MYRFL: variants seen among roughly 807,000 people sequenced by gnomAD.
MYRFL encodes myelin regulatory factor-like protein.
A neutral mutation model predicts 109.4 loss-of-function variants in MYRFL; 88 were observed. The observed-to-expected ratio is 0.80, with a 90% CI of 0.68 to 0.96. The LOEUF (loss-of-function observed/expected upper bound fraction) is 0.96, where lower values mean the gene tolerates loss of function less well. Among genes scored for constraint, MYRFL ranks in the 40% least tolerant of loss-of-function variants. MYRFL has a pLI of 0.00. For synonymous variants in MYRFL, 324 were observed against 320.9 expected, an observed-to-expected ratio of 1.01 and a Z score of -0.10; for missense variants, 957 against 954.9, an observed-to-expected ratio of 1.00 and a Z score of -0.03.
At position 69,955,375 on chromosome 12, in the gene MYRFL, T is replaced by C. The variant is rs773538238; in HGVS notation, c.2388T>C (p.Tyr796=). 4.6e-6 allele frequency: 3 copies of C among 647,394 alleles called. No homozygotes were observed. Among genetic ancestry groups the C allele is most frequent in the South Asian group, 3.6e-5 (2 of 55,608 alleles). The allele number at this position is 647,394 out of a possible 1,614,324, so 40.1% of individuals were successfully genotyped here. ...TTTCCATAATTAGATCTGGAAATTA[T>C]AATTACAATATTCCTGTTAATAAAC... ...IQSLQCGSGN[Y]NYNIPVNKHT... The change falls in exon 22 of 25, where the codon TAT becomes TAC. Residue 796 remains tyrosine (Y), a synonymous_variant. Transcript: ENST00000552032.
chr12:69,836,421 C>T (rs1197591224), intron 1 of MYRFL, among the ~76,000 whole-genome samples: 1 of 152,184 alleles, frequency 6.6e-6, no homozygotes, highest in Non-Finnish European at 1.5e-5. Context: ...ACACCCTCCT[C>T]TACCCAGCAC....
rs1331068006 is a variant in MYRFL at position 69,891,831 on chromosome 12, G to A, written c.903+665G>A. Reference sequence around the variant, plus strand: ...GCCTCCCAAATAGCTGGGACCACAGGTGTGTGCCACCATGCTGGCTGTGTT... The same window carrying A: ...GCCTCCCAAATAGCTGGGACCACAGATGTGTGCCACCATGCTGGCTGTGTT... On this transcript the variant is annotated intron_variant, in intron 7 of 24. Coordinates refer to ENST00000552032, the MANE Select transcript of MYRFL (RefSeq NM_182530.3). Among the ~76,000 whole-genome samples, 6 of 151,676 alleles carry A rather than the reference G, an allele frequency of 4.0e-5. No individual in the cohort carries two copies. The East Asian group carries it at 5.8e-4, about 15-fold the overall frequency.
intron 8 of MYRFL, among the ~76,000 whole-genome samples, chr12:69,894,552 T>A (rs1887106310): frequency 6.6e-6 from 1 of 152,230 alleles, no homozygotes; most frequent in Non-Finnish European, 1.5e-5. Context: ...GAATTAGTTT[T>A]GAGATTGTAT....
At chr12:69,833,817 G>A (rs979036928) in intron 1 of MYRFL, among the ~76,000 whole-genome samples, 2 of 134,348 alleles carry the variant, frequency 1.5e-5, no homozygotes, top group Admixed American at 8.1e-5. Context: ...TGAAGCAGAA[G>A]ATAGGGCTTG....
In MYRFL at chr12:69,902,924, A is replaced by T. The variant is rs578208245; in HGVS notation, c.1183-720A>T. ...GAAACAGGCAAATCATTATTTAATA[A>T]TCAGAGGACTTGTAGTTCCAGCTCC... On this transcript the variant is annotated intron_variant, in intron 10 of 24. Transcript: ENST00000552032. 9.2e-5 allele frequency among the ~76,000 whole-genome samples: 14 copies of T among 152,374 alleles called. No individual in the cohort carries two copies. In the South Asian group the frequency reaches 2.9e-3, roughly 32 times the overall value.
At chr12:69,846,535 T>C (rs1412214592) in intron 1 of MYRFL, among the ~76,000 whole-genome samples, 1 of 152,144 alleles carries the variant, frequency 6.6e-6, no homozygotes, top group African/African-American at 2.4e-5. Flanking sequence ...CTCATCATTT[T>C]TTTATGGCTG....
chr12:69,936,522 T>C lies in MYRFL; in HGVS notation c.2114T>C (p.Leu705Pro). ...QVPEITFCEI[L>P]PCQETYCCPI... Reference sequence around the variant, plus strand: ...CCTGAAATTACTTTCTGTGAAATCCTGCCGTGTCAGGAGACTTATTGCTGC... The same window carrying C: ...CCTGAAATTACTTTCTGTGAAATCCCGCCGTGTCAGGAGACTTATTGCTGC... The change falls in exon 19 of 25, where the codon CTG (leucine) becomes CCG (proline). Residue 705 changes from leucine to proline, a missense_variant. Transcript: ENST00000552032. 1 of 1,536,192 alleles carries C rather than the reference T, an allele frequency of 6.5e-7. No individual in the cohort carries two copies. Among genetic ancestry groups the C allele is most frequent in the Non-Finnish European group, 8.7e-7 (1 of 1,146,922 alleles).
At chr12:69,932,291 G>A (rs918567801) in intron 15 of MYRFL, among the ~76,000 whole-genome samples, 1 of 152,196 alleles carries the variant, frequency 6.6e-6, no homozygotes, top group East Asian at 1.9e-4. Flanking sequence ...AAGGGAGATT[G>A]CTGTAGCTTG....
chr12:69,862,173 C>G (rs1230274097), intron 2 of MYRFL, among the ~76,000 whole-genome samples: 4 of 150,260 alleles, frequency 2.7e-5, no homozygotes, highest in South Asian at 4.3e-4. Context: ...AGTTTGAAGT[C>G]AGGTAGCATG....
chr12:69,957,207 T>C (rs1362289440), intron 22 of MYRFL, among the ~76,000 whole-genome samples: 1 of 152,190 alleles, frequency 6.6e-6, no homozygotes, highest in Non-Finnish European at 1.5e-5. Context: ...TAAAATCTAG[T>C]GATTTCTGGT....
intron 15 of MYRFL, among the ~76,000 whole-genome samples, chr12:69,931,921 T>C (rs1955285592): frequency 6.6e-6 from 1 of 152,220 alleles, no homozygotes; most frequent in Non-Finnish European, 1.5e-5. Context: ...TTGTACATAA[T>C]ACTGCTCAAT....
intron 14 of MYRFL, 80 bp downstream of exon 14, chr12:69,926,814 G>A: frequency 8.3e-7 from 1 of 1,211,598 alleles, no homozygotes; most frequent in Non-Finnish European, 1.0e-6. Flanking sequence ...AATCTAAATG[G>A]TCTTTTTGAT....
chr12:69,853,301 G>C (rs542185877), intron 1 of MYRFL, among the ~76,000 whole-genome samples: 1 of 151,168 alleles, frequency 6.6e-6, no homozygotes, highest in East Asian at 2.0e-4. Flanking sequence ...GGGCAGAGAC[G>C]CTCCTCACTT....
At chr12:69,930,323 G>A (rs139676460) in intron 15 of MYRFL, among the ~76,000 whole-genome samples, 2,290 of 152,224 alleles carry the variant, frequency 0.015, 27 homozygotes, top group Middle Eastern at 0.024. Context: ...GGCCAAGATG[G>A]TGTTCATTCT....
intron 10 of MYRFL, among the ~76,000 whole-genome samples, chr12:69,902,208 T>G (rs1460628592): frequency 6.6e-6 from 1 of 152,166 alleles, no homozygotes; most frequent in Non-Finnish European, 1.5e-5. Context: ...TTTCACTGCT[T>G]CTGTTTATCA....
At chr12:69,951,430 T>C (rs1425242562) in intron 19 of MYRFL, among the ~76,000 whole-genome samples, 1 of 148,378 alleles carries the variant, frequency 6.7e-6, no homozygotes, top group African/African-American at 2.5e-5. Context: ...CTGCTTTTTT[T>C]TTTTTTTTTT....
At chr12:69,854,082 C>T (rs1592705450) in intron 1 of MYRFL, among the ~76,000 whole-genome samples, 1 of 152,196 alleles carries the variant, frequency 6.6e-6, no homozygotes, top group African/African-American at 2.4e-5. Flanking sequence ...AGTGAGACTT[C>T]GTCTGCAATC....
At chr12:69,890,033 T>C (rs1401634080) in intron 6 of MYRFL, among the ~76,000 whole-genome samples, 3 of 152,124 alleles carry the variant, frequency 2.0e-5, no homozygotes, top group South Asian at 4.1e-4. Context: ...GTAACCACCA[T>C]TGTAGGTTTT....
chr12:69,871,497 G>T (rs565216301), intron 2 of MYRFL, among the ~76,000 whole-genome samples: 1 of 152,126 alleles, frequency 6.6e-6, no homozygotes, highest in Non-Finnish European at 1.5e-5. Context: ...CTCCCAAAGT[G>T]CTGGGATTAC....
Sources: allele counts gnomAD v4.1 joint callset (sites outside exome capture counted in the v4.1 genomes callset), GRCh38; gene constraint gnomAD v4.1.1; transcripts MANE v1.5; gene names NCBI Gene and HGNC (gene_info 2026-07-23, HGNC 2026-07-21).